The following ZFPM2 variants were observed in gnomAD, a reference collection of about 807,000 sequenced individuals.
The protein encoded by ZFPM2 is zinc finger protein, FOG family member 2, also known as zinc finger protein ZFPM2.
In ZFPM2, 20 loss-of-function variants were observed where a neutral mutation model predicts 98.6. The observed-to-expected ratio is 0.20, with a 90% CI of 0.14 to 0.29. ZFPM2 has a LOEUF of 0.29. ZFPM2 is among the 10% of genes least tolerant of loss of function. ZFPM2 has a pLI of 1.00. For missense variants in ZFPM2, 1,310 were observed against 1,388.6 expected (o/e 0.94, Z 0.90); for synonymous variants, 518 against 502.7 (o/e 1.03, Z -0.41).
At chr8:105,573,044 G>T (rs1343632320) in intron 4 of ZFPM2, among the ~76,000 whole-genome samples, 1 of 152,166 alleles carries the variant, frequency 6.6e-6, no homozygotes, top group East Asian at 1.9e-4. Flanking sequence ...CTCCCACAAG[G>T]CTTCAATCAA....
At chr8:105,548,310 A>G (rs1814759888) in intron 3 of ZFPM2, among the ~76,000 whole-genome samples, 1 of 152,152 alleles carries the variant, frequency 6.6e-6, no homozygotes, top group African/African-American at 2.4e-5. Flanking sequence ...AGTTTTTCTA[A>G]TAAGAAAAAT....
chr8:105,680,981 A>G (rs1017601716), intron 5 of ZFPM2, among the ~76,000 whole-genome samples: 2 of 152,212 alleles, frequency 1.3e-5, no homozygotes, highest in Non-Finnish European at 2.9e-5. Context: ...ATCTGTATTT[A>G]TTTACTATGA....
chr8:105,751,258 G>A (rs1183763009), intron 5 of ZFPM2, among the ~76,000 whole-genome samples: 1 of 152,000 alleles, frequency 6.6e-6, no homozygotes, highest in Non-Finnish European at 1.5e-5. Flanking sequence ...TGCATGGCCA[G>A]GAAAAGATTA....
At chr8:105,769,451 T>C (rs562962834) in intron 5 of ZFPM2, among the ~76,000 whole-genome samples, 1 of 152,158 alleles carries the variant, frequency 6.6e-6, no homozygotes, top group South Asian at 2.1e-4. Flanking sequence ...TGATAAATGT[T>C]CTTCTCTAGC....
At chr8:105,511,534 A>T (rs1032672191) in intron 3 of ZFPM2, among the ~76,000 whole-genome samples, 2 of 152,184 alleles carry the variant, frequency 1.3e-5, no homozygotes, top group African/African-American at 4.8e-5. Flanking sequence ...TGACTTTATT[A>T]TGGAGAACTC....
chr8:105,378,327 T>G (rs1810772229), intron 1 of ZFPM2, among the ~76,000 whole-genome samples: 1 of 152,160 alleles, frequency 6.6e-6, no homozygotes, highest in Admixed American at 6.5e-5. Context: ...TTTTAATCCA[T>G]AGTTAAGACA....
At position 105,602,647 on chromosome 8, in the gene ZFPM2, G is replaced by T. The variant is rs115817794; in HGVS notation, c.421-31599G>T. 3.9e-3 allele frequency among the ~76,000 whole-genome samples: 589 copies of T among 152,146 alleles called. 2 individuals are homozygous for T. Among genetic ancestry groups the T allele is most frequent in the African/African-American group, 0.013 (554 of 41,500 alleles). On this transcript the variant is annotated intron_variant, in intron 4 of 7. Coordinates refer to ENST00000407775, the MANE Select transcript of ZFPM2 (RefSeq NM_012082.4). ...GCTCATGCCTGTGATACATATGTGT[G>T]CATTTGTACATACATGAATATGTGT...
At chr8:105,503,534 A>G (rs1220341994) in intron 3 of ZFPM2, among the ~76,000 whole-genome samples, 2 of 152,216 alleles carry the variant, frequency 1.3e-5, no homozygotes, top group Non-Finnish European at 2.9e-5. Flanking sequence ...AGATAGGAAA[A>G]AAGACTGGCC....
intron 4 of ZFPM2, among the ~76,000 whole-genome samples, chr8:105,625,212 T>A (rs901775055): frequency 6.6e-6 from 1 of 152,214 alleles, no homozygotes; most frequent in Non-Finnish European, 1.5e-5. Context: ...CTTAATATCA[T>A]TGAGCTTCAG....
intron 5 of ZFPM2, among the ~76,000 whole-genome samples, chr8:105,730,875 T>G (rs1187373622): frequency 2.7e-5 from 4 of 150,600 alleles, no homozygotes; most frequent in Non-Finnish European, 4.4e-5. Flanking sequence ...AGGTGACAGC[T>G]CTGCAGAGAT....
At chr8:105,790,693 C>T (rs924081698) in intron 6 of ZFPM2, among the ~76,000 whole-genome samples, 1 of 152,124 alleles carries the variant, frequency 6.6e-6, no homozygotes, top group Admixed American at 6.5e-5. Context: ...GCAGTATGGC[C>T]ATTTTCACTA....
intron 5 of ZFPM2, among the ~76,000 whole-genome samples, chr8:105,710,150 G>A (rs1339570582): frequency 3.3e-5 from 5 of 149,362 alleles, no homozygotes; most frequent in South Asian, 2.1e-4. Context: ...AAAACTTTAC[G>A]TTTGTGAAGT....
At chr8:105,795,124 A>G (rs1334063403) in intron 6 of ZFPM2, among the ~76,000 whole-genome samples, 8 of 152,176 alleles carry the variant, frequency 5.3e-5, no homozygotes, top group Admixed American at 5.2e-4. Context: ...CCCTAGTGAG[A>G]TGAACCCAGT....
chr8:105,787,907 C>T (rs1475445488), intron 5 of ZFPM2, among the ~76,000 whole-genome samples: 1 of 152,170 alleles, frequency 6.6e-6, no homozygotes, highest in African/African-American at 2.4e-5. Context: ...ATTAGATGTA[C>T]TTGCATAGTT....
At chr8:105,729,963 A>G (rs904610760) in intron 5 of ZFPM2, among the ~76,000 whole-genome samples, 3 of 151,354 alleles carry the variant, frequency 2.0e-5, no homozygotes, top group Non-Finnish European at 4.4e-5. Flanking sequence ...TGTGGCATGT[A>G]ATATATATTT....
At chr8:105,330,789 A>T (rs1204630101) in intron 1 of ZFPM2, among the ~76,000 whole-genome samples, 3 of 149,968 alleles carry the variant, frequency 2.0e-5, no homozygotes, top group Non-Finnish European at 4.5e-5. Flanking sequence ...AATATTATTT[A>T]TTGATGGTAG....
At chr8:105,598,066 C>CTTT (rs76865028) in intron 4 of ZFPM2, among the ~76,000 whole-genome samples, 8 of 130,166 alleles carry the variant, frequency 6.1e-5, no homozygotes, top group Non-Finnish European at 9.8e-5. Flanking sequence ...AAAAAAAAAC[C>CTTT]TTTTTTTTTT....
At chr8:105,406,775 A>G (rs1282833731) in intron 1 of ZFPM2, among the ~76,000 whole-genome samples, 1 of 152,012 alleles carries the variant, frequency 6.6e-6, no homozygotes, top group Non-Finnish European at 1.5e-5. Context: ...GCATGAATAT[A>G]TTACACACTA....
chr8:105,605,459 T>C (rs2130790326), intron 4 of ZFPM2, among the ~76,000 whole-genome samples: 1 of 152,246 alleles, frequency 6.6e-6, no homozygotes, highest in South Asian at 2.1e-4. Flanking sequence ...AACTGATTTA[T>C]TATTTTATCT....
Sources: allele counts gnomAD v4.1 joint callset (sites outside exome capture counted in the v4.1 genomes callset), GRCh38; gene constraint gnomAD v4.1.1; transcripts MANE v1.5; gene names NCBI Gene and HGNC (gene_info 2026-07-23, HGNC 2026-07-21).